The following CA10 variants were observed in gnomAD, a reference collection of about 807,000 sequenced individuals.
CA10 encodes the protein carbonic anhydrase 10 (inactive).
Under a neutral mutation model 44.2 loss-of-function variants are expected in CA10, and 14 were observed. The observed-to-expected ratio is 0.32, with a 90% CI of 0.21 to 0.50. The LOEUF (loss-of-function observed/expected upper bound fraction) is 0.50. Among genes scored for constraint, CA10 ranks in the 20% least tolerant of loss-of-function variants. CA10 has a pLI of 0.99. For synonymous variants in CA10, 159 were observed against 141.6 expected, an observed-to-expected ratio of 1.12 and a Z score of -0.87; for missense variants, 350 against 409.7, an observed-to-expected ratio of 0.85 and a Z score of 1.26.
chr17:51,749,295 T>C (rs1302363752), intron 3 of CA10, among the ~76,000 whole-genome samples: 1 of 152,248 alleles, frequency 6.6e-6, no homozygotes, highest in Non-Finnish European at 1.5e-5. Flanking sequence ...TCACTTACTT[T>C]GGCCAACAGC....
At chr17:52,016,358 A>G (rs189254646) in intron 2 of CA10, among the ~76,000 whole-genome samples, 60 of 152,276 alleles carry the variant, frequency 3.9e-4, no homozygotes, top group Non-Finnish European at 6.5e-4. Context: ...CATTAACTCT[A>G]TATTTCCAGT....
intron 2 of CA10, among the ~76,000 whole-genome samples, chr17:52,064,401 C>T (rs1231902026): frequency 2.0e-5 from 3 of 152,108 alleles, no homozygotes; most frequent in Non-Finnish European, 4.4e-5. Flanking sequence ...ACCAAAAAAT[C>T]AAGGCAGGTA....
At chr17:51,997,084 T>C (rs1014036224) in intron 2 of CA10, among the ~76,000 whole-genome samples, 3 of 152,134 alleles carry the variant, frequency 2.0e-5, no homozygotes, top group African/African-American at 7.2e-5. Context: ...TGGTACCTGC[T>C]CAGCCTTTAA....
chr17:51,683,302 T>A (rs185309042), intron 4 of CA10, among the ~76,000 whole-genome samples: 1 of 152,312 alleles, frequency 6.6e-6, no homozygotes, highest in African/African-American at 2.4e-5. Flanking sequence ...ATGACCGCTG[T>A]AACTGGAGTC....
At chr17:51,679,556 T>C (rs1005639648) in intron 4 of CA10, among the ~76,000 whole-genome samples, 18 of 113,670 alleles carry the variant, frequency 1.6e-4, no homozygotes, top group African/African-American at 3.8e-4. Context: ...CCACCGTGCC[T>C]GGCCTATTTT....
chr17:51,927,443 ATTTCCTTCCT>A (rs2143986187), intron 3 of CA10, among the ~76,000 whole-genome samples: 1 of 152,230 alleles, frequency 6.6e-6, no homozygotes, highest in South Asian at 2.1e-4. Context: ...TATGTGCCAT[ATTTCCTTCCT>A]GAAAGCTAAA....
chr17:51,676,892 C>T (rs1373641789), intron 4 of CA10, among the ~76,000 whole-genome samples: 5 of 152,128 alleles, frequency 3.3e-5, no homozygotes, highest in Non-Finnish European at 5.9e-5. Flanking sequence ...ACCACCCAGG[C>T]CAGCCTGCAA....
intron 1 of CA10, among the ~76,000 whole-genome samples, chr17:52,144,832 A>T (rs1359760693): frequency 1.3e-5 from 2 of 152,218 alleles, no homozygotes; most frequent in Non-Finnish European, 2.9e-5. Flanking sequence ...ACCATTTATC[A>T]AGTGCATTCT....
rs150295088 is a variant in CA10, at chr17:51,910,870, G to A, written c.279+20120C>T. Among the ~76,000 whole-genome samples, 3 of 152,266 alleles carry A rather than the reference G, an allele frequency of 2.0e-5. No homozygotes were observed. The East Asian group carries it at 5.8e-4, about 29-fold the overall frequency. ...TTGCAAAGCAAAATGAATCTTAAAT[G>A]TGTTTGTCATTGCAGGGAGGGGACA... On this transcript the variant is annotated intron_variant, in intron 3 of 8. Transcript: ENST00000451037.
chr17:51,667,061 G>A (rs1914233844), intron 4 of CA10, among the ~76,000 whole-genome samples: 1 of 152,228 alleles, frequency 6.6e-6, no homozygotes, highest in East Asian at 1.9e-4. Context: ...GAACAATCCA[G>A]GGATAGTCAT....
At chr17:51,790,097 A>C (rs987998133) in intron 3 of CA10, among the ~76,000 whole-genome samples, 1 of 152,166 alleles carries the variant, frequency 6.6e-6, no homozygotes, top group Non-Finnish European at 1.5e-5. Flanking sequence ...GCCATCGTGC[A>C]TCAGATGCTT....
intron 2 of CA10, among the ~76,000 whole-genome samples, chr17:52,035,477 A>G (rs952254691): frequency 2.0e-5 from 3 of 152,214 alleles, no homozygotes; most frequent in African/African-American, 4.8e-5. Context: ...CAAGAGCCCA[A>G]GAGCCATGAG....
At chr17:51,828,231 T>C (rs193075435) in intron 3 of CA10, among the ~76,000 whole-genome samples, 27 of 152,272 alleles carry the variant, frequency 1.8e-4, no homozygotes, top group Admixed American at 9.8e-4. Flanking sequence ...CTGCAGACAG[T>C]GGTTTTCGTG....
At chr17:51,723,586 T>C (rs916261530) in intron 4 of CA10, among the ~76,000 whole-genome samples, 2 of 143,128 alleles carry the variant, frequency 1.4e-5, no homozygotes, top group African/African-American at 5.0e-5. Flanking sequence ...TATCAAGGAA[T>C]GACATACATA....
chr17:51,994,803 T>C lies in CA10; in HGVS notation c.137-63671A>G, dbSNP rs905112981. Reference sequence around the variant, plus strand: ...AAGTATGGACTTCCAGCAAAAAGAATTGAATGATTTAAATATTTTATGATA... The same window carrying C: ...AAGTATGGACTTCCAGCAAAAAGAACTGAATGATTTAAATATTTTATGATA... On this transcript the variant is annotated intron_variant, in intron 2 of 8. Coordinates refer to ENST00000451037, the MANE Select transcript of CA10 (RefSeq NM_020178.5). 1.3e-5 allele frequency among the ~76,000 whole-genome samples: 2 copies of C among 150,854 alleles called. 1 individual carries two copies. Among genetic ancestry groups the C allele is most frequent in the African/African-American group, 4.8e-5 (2 of 41,372 alleles).
intron 1 of CA10, among the ~76,000 whole-genome samples, chr17:52,114,180 C>T (rs34780547): frequency 0.015 from 2,332 of 152,328 alleles, 29 homozygotes; most frequent in South Asian, 0.046. Flanking sequence ...ACTGCATCCA[C>T]CCTTATTTCC....
intron 2 of CA10, among the ~76,000 whole-genome samples, chr17:51,970,410 G>A (rs1205403163): frequency 6.6e-6 from 1 of 151,920 alleles, no homozygotes; most frequent in Non-Finnish European, 1.5e-5. Flanking sequence ...TCTTACACAT[G>A]AGGAATAAAA....
intron 3 of CA10, among the ~76,000 whole-genome samples, chr17:51,840,123 G>A (rs995738173): frequency 5.9e-5 from 9 of 152,226 alleles, no homozygotes; most frequent in East Asian, 1.9e-4. Flanking sequence ...ATCATGTTAC[G>A]CCTCAGGATT....
chr17:51,712,174 A>T (rs2143494349), intron 4 of CA10, among the ~76,000 whole-genome samples: 1 of 152,366 alleles, frequency 6.6e-6, no homozygotes, highest in African/African-American at 2.4e-5. Flanking sequence ...CAAACAGATC[A>T]CTTGCAGTGT....
Sources: gnomAD v4.1 joint callset for allele counts (sites outside exome capture counted in the v4.1 genomes callset) on GRCh38, gnomAD v4.1.1 for gene constraint, MANE v1.5 for transcripts, NCBI Gene and HGNC (gene_info 2026-07-23, HGNC 2026-07-21) for gene names.